SPATA12: variants seen among roughly 807,000 people sequenced by gnomAD.
SPATA12 encodes the protein spermatogenesis associated 12.
For synonymous variants in SPATA12, 85 were observed against 89.2 expected (o/e 0.95, Z 0.26); for missense variants, 219 against 226.4 (o/e 0.97, Z 0.21).
chr3:57,066,342 A>T (rs1476431590), intron 1 of SPATA12, among the ~76,000 whole-genome samples: 3 of 151,584 alleles, frequency 2.0e-5, no homozygotes, highest in Non-Finnish European at 4.4e-5. Context: ...GCTCACCGCA[A>T]CCTCCGCCTC....
Position 57,074,354 on chromosome 3 carries a change from C to G in SPATA12, c.*87C>G. 8.1e-7 allele frequency: 1 copy of G among 1,231,612 alleles called. No individual in the cohort carries two copies. The highest frequency in any genetic ancestry group is 1.2e-6 in the Non-Finnish European group (1 of 861,274). 76.3% of individuals were successfully genotyped at this position (1,231,612 alleles called of 1,614,324 possible). On this transcript the variant is annotated 3_prime_UTR_variant, in exon 2 of 2. Coordinates refer to ENST00000334325, the MANE Select transcript of SPATA12 (RefSeq NM_181727.2). ...CTATGCCCTCCCTTCCATCCCCCAC[C>G]CCCACCAGGGGTGACTCGTAGCCAT...
chr3:57,061,762 G>T (rs1705234720), intron 1 of SPATA12, among the ~76,000 whole-genome samples: 2 of 152,124 alleles, frequency 1.3e-5, no homozygotes, highest in African/African-American at 4.8e-5. Flanking sequence ...CTCTCATCCT[G>T]TGTTACTCAC....
intron 1 of SPATA12, among the ~76,000 whole-genome samples, chr3:57,067,803 C>T (rs1196097597): frequency 6.8e-6 from 1 of 147,926 alleles, no homozygotes; most frequent in Non-Finnish European, 1.5e-5. Context: ...CACGGTGAAA[C>T]CCCGTCTCTA....
intron 1 of SPATA12, among the ~76,000 whole-genome samples, chr3:57,061,987 T>C (rs1705245568): frequency 6.6e-6 from 1 of 152,186 alleles, no homozygotes; most frequent in African/African-American, 2.4e-5. Flanking sequence ...CTGCCCTGAA[T>C]AATGCCTTTG....
intron 1 of SPATA12, among the ~76,000 whole-genome samples, chr3:57,061,548 AT>A (rs1705223378): frequency 6.6e-6 from 1 of 152,224 alleles, no homozygotes; most frequent in Non-Finnish European, 1.5e-5. Flanking sequence ...GTCAATAGAC[AT>A]TTGTATTATT....
At chr3:57,073,206 A>T (rs1706022953) in intron 1 of SPATA12, among the ~76,000 whole-genome samples, 160 bp from the exon 2 acceptor site, 1 of 152,130 alleles carries the variant, frequency 6.6e-6, no homozygotes, top group Non-Finnish European at 1.5e-5. Context: ...TTCTCTCTGG[A>T]AGCAAGCTTG....
At position 57,073,730 on chromosome 3, in the gene SPATA12, A is replaced by G. The variant is rs149527467; in HGVS notation, c.36A>G (p.Leu12=). The G allele has an allele frequency of 7.4e-4, 1,196 of 1,614,058 alleles. 17 individuals carry two copies. Among genetic ancestry groups the G allele is most frequent in the Non-Finnish European group, 1.3e-4 (151 of 1,180,034 alleles). Residue 12 remains leucine, a synonymous_variant, in exon 2 of 2, where the codon TTA becomes TTG. Transcript: ENST00000334325. ...CTGCTCTGACTTGTGGGTCCACCTT[A>G]GAAAAGTCAGGAGACACCTGGGAAA... ...SSSALTCGST[L]EKSGDTWEMK... is the part of the protein sequence containing the mutation.
At chr3:57,073,021 G>C (rs140941138) in intron 1 of SPATA12, among the ~76,000 whole-genome samples, 3,981 of 152,274 alleles carry the variant, frequency 0.026, 167 homozygotes, top group African/African-American at 0.09. Flanking sequence ...ACTCCAGCCT[G>C]GGTGACAGAG....
chr3:57,071,192 G>A (rs1705881690), intron 1 of SPATA12, among the ~76,000 whole-genome samples: 1 of 152,086 alleles, frequency 6.6e-6, no homozygotes, highest in African/African-American at 2.4e-5. Context: ...TGACAAGAGT[G>A]TCAAAACAAT....
rs555231216 is a variant in SPATA12 at position 57,075,313 on chromosome 3, C to G, written c.*1046C>G. 17 of 167,286 alleles carry G rather than the reference C, an allele frequency of 1.0e-4. No individual in the cohort carries two copies. Among genetic ancestry groups the G allele is most frequent in the African/African-American group, 4.1e-4 (17 of 41,568 alleles). The allele number at this position is 167,286 out of a possible 1,614,324, so 10.4% of individuals were successfully genotyped here. ...TCCATCTCCACCACTGGGATGTAAA[C>G]TCCACAAGGGAGGAATGCTGTCAGT... On this transcript the variant is annotated 3_prime_UTR_variant, in exon 2 of 2. Coordinates refer to ENST00000334325, the MANE Select transcript of SPATA12 (RefSeq NM_181727.2).
rs373410293 is a variant in SPATA12 at position 57,073,615 on chromosome 3, C to T, written c.-80C>T. On this transcript the variant is annotated 5_prime_UTR_variant, in exon 2 of 2. Coordinates refer to ENST00000334325, the MANE Select transcript of SPATA12 (RefSeq NM_181727.2). ...CACTCAGAGCCAGGTTGCAAGAGTG[C>T]TGCATGCTCCTCAGGGATTGGCTCC... The T allele has an allele frequency of 2.0e-6, 3 of 1,505,126 alleles. No individual in the cohort carries two copies. The highest frequency in any genetic ancestry group is 2.3e-4 in the Middle Eastern group (1 of 4,256). The allele number at this position is 1,505,126 out of a possible 1,614,324, so 93.2% of individuals were successfully genotyped here.
intron 1 of SPATA12, among the ~76,000 whole-genome samples, chr3:57,071,676 AT>A (rs1442623978): frequency 1.2e-3 from 184 of 149,756 alleles, no homozygotes; most frequent in African/African-American, 4.1e-3. Flanking sequence ...AAAAAAAAAA[AT>A]ATGCCTTAGG....
In SPATA12 at chr3:57,075,373, T is replaced by C. The variant is rs911831836; in HGVS notation, c.*1106T>C. The C allele has an allele frequency of 1.2e-5, 2 of 167,122 alleles. No individual in the cohort carries two copies. The highest frequency in any genetic ancestry group is 6.5e-5 in the Admixed American group (1 of 15,284). 10.4% of individuals were successfully genotyped at this position (167,122 alleles called of 1,614,324 possible). ...TGCTGTGTGGTCAGTACCAGGGCAA[T>C]GCCTCGCACAGAGTAGCCCTCTCTC... On this transcript the variant is annotated 3_prime_UTR_variant, in exon 2 of 2. Transcript: ENST00000334325.
chr3:57,072,247 C>T (rs1262959759), intron 1 of SPATA12, among the ~76,000 whole-genome samples: 1 of 152,262 alleles, frequency 6.6e-6, no homozygotes, highest in African/African-American at 2.4e-5. Context: ...ATATACCTAG[C>T]AATTCCACTG....
rs767814144 is a variant in SPATA12 at position 57,074,694 on chromosome 3, T to C, written c.*427T>C. On this transcript the variant is annotated 3_prime_UTR_variant, in exon 2 of 2. Transcript: ENST00000334325. ...TACTTTCCCTCTGGGTAAGTGCCAC[T>C]AGGTGATGAGGTGAGGTAATCAAAT... The C allele has an allele frequency of 7.3e-4, 141 of 192,088 alleles. No individual in the cohort carries two copies. The highest frequency in any genetic ancestry group is 1.1e-3 in the Non-Finnish European group (89 of 82,884). The allele number at this position is 192,088 out of a possible 1,614,324, so 11.9% of individuals were successfully genotyped here.
At chr3:57,069,519 G>A (rs1025184499) in intron 1 of SPATA12, among the ~76,000 whole-genome samples, 3 of 152,014 alleles carry the variant, frequency 2.0e-5, no homozygotes, top group African/African-American at 7.3e-5. Context: ...AGAAAACAAG[G>A]TTCCAAGTGA....
chr3:57,070,290 G>C (rs1251634106), intron 1 of SPATA12, among the ~76,000 whole-genome samples: 1 of 150,370 alleles, frequency 6.7e-6, no homozygotes, highest in Non-Finnish European at 1.5e-5. Flanking sequence ...CCAGGTGCCA[G>C]ATGCACTCCC....
At chr3:57,069,372 C>A (rs1401171604) in intron 1 of SPATA12, among the ~76,000 whole-genome samples, 1 of 115,144 alleles carries the variant, frequency 8.7e-6, no homozygotes. Context: ...ATCTCTGTCT[C>A]TCAAACACAC....
intron 1 of SPATA12, among the ~76,000 whole-genome samples, chr3:57,065,672 C>A (rs1348679419): frequency 6.6e-6 from 1 of 152,106 alleles, no homozygotes; most frequent in East Asian, 1.9e-4. Flanking sequence ...ATACCATGTT[C>A]TCATACAGGC....
Sources: gnomAD v4.1 joint callset for allele counts (sites outside exome capture counted in the v4.1 genomes callset) on GRCh38, gnomAD v4.1.1 for gene constraint, MANE v1.5 for transcripts, NCBI Gene and HGNC (gene_info 2026-07-23, HGNC 2026-07-21) for gene names.